The following DCDC2C variants were observed in gnomAD, a reference collection of about 807,000 sequenced individuals.
The protein encoded by DCDC2C is doublecortin domain-containing protein 2C.
Under a neutral mutation model 45.0 loss-of-function variants are expected in DCDC2C, and 44 were observed. That is an observed-to-expected ratio of 0.98 (90% confidence interval 0.77 to 1.26). DCDC2C has a LOEUF of 1.26. Among genes scored for constraint, DCDC2C ranks in the 50% most tolerant of loss-of-function variants. DCDC2C has a pLI of 0.00. For missense variants in DCDC2C, 447 were observed against 468.9 expected, an observed-to-expected ratio of 0.95 and a Z score of 0.43; for synonymous variants, 187 against 178.8, an observed-to-expected ratio of 1.05 and a Z score of -0.37.
chr2:3,752,590 A>G (rs1216015752), intron 4 of DCDC2C, 173 bp from the exon 5 acceptor site: 5 of 746,208 alleles, frequency 6.7e-6, no homozygotes, highest in Non-Finnish European at 1.2e-5. Context: ...TAATCCTGGA[A>G]GAGCAGTTCC....
At chr2:3,763,648 A>G (rs1260626729) in intron 6 of DCDC2C, among the ~76,000 whole-genome samples, 1 of 152,064 alleles carries the variant, frequency 6.6e-6, no homozygotes, top group African/African-American at 2.4e-5. Context: ...CCTACTGTTG[A>G]CTGTTCCCAT....
At chr2:3,767,067 A>T (rs1240502316) in intron 6 of DCDC2C, among the ~76,000 whole-genome samples, 4 of 152,230 alleles carry the variant, frequency 2.6e-5, no homozygotes. Flanking sequence ...GAGCGTGTTT[A>T]AGGTAGGGCT....
chr2:3,790,731 G>T (rs1490423780), intron 10 of DCDC2C, among the ~76,000 whole-genome samples: 2 of 152,120 alleles, frequency 1.3e-5, no homozygotes, highest in African/African-American at 4.8e-5. Context: ...ATCAACATTG[G>T]AGTCTCAAAA....
At chr2:3,805,443 T>C (rs1671214649) in intron 10 of DCDC2C, among the ~76,000 whole-genome samples, 1 of 152,196 alleles carries the variant, frequency 6.6e-6, no homozygotes, top group East Asian at 1.9e-4. Flanking sequence ...CTGAGGTGGA[T>C]GTTTCTGGAG....
chr2:3,755,134 G>A (rs1181834854), intron 6 of DCDC2C, among the ~76,000 whole-genome samples: 1 of 151,770 alleles, frequency 6.6e-6, no homozygotes, highest in Admixed American at 6.6e-5. Flanking sequence ...TGTGTGTGGA[G>A]GCATGTGTGT....
intron 6 of DCDC2C, among the ~76,000 whole-genome samples, chr2:3,758,597 C>A (rs1213276816): frequency 6.6e-6 from 1 of 152,146 alleles, no homozygotes; most frequent in Non-Finnish European, 1.5e-5. Context: ...GGTCGACACA[C>A]AAAGTTGCAG....
chr2:3,776,435 C>T (rs1670338253), intron 8 of DCDC2C, among the ~76,000 whole-genome samples: 1 of 152,226 alleles, frequency 6.6e-6, no homozygotes, highest in Non-Finnish European at 1.5e-5. Context: ...CCACCAAACC[C>T]AACACATTCC....
intron 3 of DCDC2C, among the ~76,000 whole-genome samples, chr2:3,729,251 G>A (rs1265708069): frequency 2.6e-5 from 4 of 152,200 alleles, no homozygotes; most frequent in Admixed American, 6.5e-5. Context: ...GGGAGAGTGG[G>A]AAGAGAAGAG....
chr2:3,707,575 T>C (rs770356706), intron 1 of DCDC2C, among the ~76,000 whole-genome samples: 1 of 152,226 alleles, frequency 6.6e-6, no homozygotes, highest in Non-Finnish European at 1.5e-5. Flanking sequence ...CATGTAATAA[T>C]ATGAACTTTT....
chr2:3,780,631 G>A (rs1670483173), intron 9 of DCDC2C, among the ~76,000 whole-genome samples: 1 of 152,190 alleles, frequency 6.6e-6, no homozygotes, highest in African/African-American at 2.4e-5. Context: ...AATGACGGGA[G>A]ACAGGACAGG....
intron 10 of DCDC2C, among the ~76,000 whole-genome samples, chr2:3,831,353 G>T (rs1671947433): frequency 6.6e-6 from 1 of 152,090 alleles, no homozygotes; most frequent in Admixed American, 6.6e-5. Flanking sequence ...AAACCTCGAT[G>T]GCACAGCCTA....
At chr2:3,741,201 G>T (rs1225961759) in intron 3 of DCDC2C, among the ~76,000 whole-genome samples, 1 of 151,838 alleles carries the variant, frequency 6.6e-6, no homozygotes, top group African/African-American at 2.4e-5. Context: ...TAAAACTCAG[G>T]AGTGAATAAG....
In DCDC2C at chr2:3,743,805, C is replaced by T. The variant is rs148880415; in HGVS notation, c.545+1757C>T. Among the ~76,000 whole-genome samples, 512 of 152,292 alleles carry T rather than the reference C, an allele frequency of 3.4e-3. 8 individuals carry two copies. Among genetic ancestry groups the T allele is most frequent in the Middle Eastern group, 0.027 (8 of 294 alleles). On this transcript the variant is annotated intron_variant, in intron 4 of 10. Coordinates refer to ENST00000399143, the MANE Select transcript of DCDC2C (RefSeq NM_001287444.2). Reference sequence around the variant, plus strand: ...TACATTGGCCGGGTGCGGTGGCTCACGCCTGTAATCCCAGCACTTTGGGAG... The same window carrying T: ...TACATTGGCCGGGTGCGGTGGCTCATGCCTGTAATCCCAGCACTTTGGGAG...
chr2:3,703,635 A>G lies in DCDC2C; in HGVS notation c.-117A>G, dbSNP rs1237883675. Reference sequence around the variant, plus strand: ...CCCCGTCCCGTCCCCGTCCTGCGCCAGCGGCTGGAGCGGACCTCCCGTCGG... The same window carrying G: ...CCCCGTCCCGTCCCCGTCCTGCGCCGGCGGCTGGAGCGGACCTCCCGTCGG... On this transcript the variant is annotated 5_prime_UTR_variant, in exon 1 of 11. Coordinates refer to ENST00000399143, the MANE Select transcript of DCDC2C (RefSeq NM_001287444.2). The surrounding 1 kb of genome is among the most constrained non-coding windows in gnomAD (Gnocchi z 4.4). 12 of 1,001,630 alleles carry G rather than the reference A, an allele frequency of 1.2e-5. No individual in the cohort carries two copies. Among genetic ancestry groups the G allele is most frequent in the Non-Finnish European group, 3.8e-6 (3 of 787,700 alleles). 62.0% of individuals were successfully genotyped at this position (1,001,630 alleles called of 1,614,324 possible).
Position 3,761,926 on chromosome 2 carries a change from G to A in DCDC2C, c.727-5828G>A, listed in dbSNP as rs1198523639. Reference sequence around the variant, plus strand: ...GAAAAATAATAGTCTTTAAAGCACTGCAGAGAAATAAAACCAACATACGTG... The same window carrying A: ...GAAAAATAATAGTCTTTAAAGCACTACAGAGAAATAAAACCAACATACGTG... On this transcript the variant is annotated intron_variant, in intron 6 of 10. Transcript: ENST00000399143. This position sits in a 1 kb window ranked among gnomAD's most constrained non-coding sequence, Gnocchi z 4.3. Among the ~76,000 whole-genome samples, 1 of 152,204 alleles carries A rather than the reference G, an allele frequency of 6.6e-6. No individual in the cohort carries two copies. The highest frequency in any genetic ancestry group is 1.5e-5 in the Non-Finnish European group (1 of 68,044).
At position 3,708,639 on chromosome 2, in the gene DCDC2C, TG is replaced by T. The variant is rs1439231937; in HGVS notation, c.339+41del. 29 of 1,462,322 alleles carry T rather than the reference TG, an allele frequency of 2.0e-5. No individual in the cohort carries two copies. The African/African-American group carries it at 3.7e-4, about 19-fold the overall frequency. The allele number at this position is 1,462,322 out of a possible 1,614,324, so 90.6% of individuals were successfully genotyped here. A position where few individuals can be genotyped will look rare whatever the true frequency, so the allele number is the denominator to read the frequency against. Reference sequence around the variant, plus strand: ...TCTAACAACTAATAATGGAATAAATTGGCCAACTTGGTAAAAATTTAAATGT... The same window carrying T: ...TCTAACAACTAATAATGGAATAAATTGCCAACTTGGTAAAAATTTAAATGT... On this transcript the variant is annotated intron_variant, in intron 2 of 10. Transcript: ENST00000399143.
chr2:3,811,697 T>A (rs1267183869), intron 10 of DCDC2C, among the ~76,000 whole-genome samples: 1 of 152,224 alleles, frequency 6.6e-6, no homozygotes, highest in African/African-American at 2.4e-5. Context: ...GCCCATTCAA[T>A]ATGATATTGG....
At chr2:3,810,354 A>G (rs1028311251) in intron 10 of DCDC2C, among the ~76,000 whole-genome samples, 1 of 152,162 alleles carries the variant, frequency 6.6e-6, no homozygotes, top group Non-Finnish European at 1.5e-5. Context: ...GCGATGTTGA[A>G]CTTTTTTCAT....
intron 10 of DCDC2C, chr2:3,788,510 CA>C (rs1208235665): frequency 6.6e-6 from 1 of 152,230 alleles, no homozygotes; most frequent in Admixed American, 6.5e-5. Flanking sequence ...ATAATTGTGA[CA>C]TTTTTTCCCC....
Sources: gnomAD v4.1 joint callset for allele counts (sites outside exome capture counted in the v4.1 genomes callset) on GRCh38, gnomAD v4.1.1 for gene constraint, Gnocchi (gnomAD v3.1) non-coding constraint, MANE v1.5 for transcripts, NCBI Gene and HGNC (gene_info 2026-07-23, HGNC 2026-07-21) for gene names.